POFUT3: variants seen among roughly 807,000 people sequenced by gnomAD.
POFUT3 encodes protein O-fucosyltransferase 3.
the POFUT3 span, among the ~76,000 whole-genome samples, chr8:33,363,447 C>A: frequency 6.6e-6 from 1 of 151,926 alleles, no homozygotes; most frequent in Admixed American, 6.6e-5. Context: ...GATAGAGACA[C>A]AAAAAACCCT....
chr8:33,317,409 A>T, the POFUT3 span, among the ~76,000 whole-genome samples: 1 of 152,068 alleles, frequency 6.6e-6, no homozygotes, highest in Non-Finnish European at 1.5e-5. Context: ...CTTTCTGCTG[A>T]CCCCAAGTTT....
the POFUT3 span, among the ~76,000 whole-genome samples, chr8:33,392,224 G>A: frequency 2.6e-5 from 4 of 152,130 alleles, no homozygotes; most frequent in African/African-American, 9.7e-5. Flanking sequence ...CGCTAATATA[G>A]GTTTTCTGTA....
At chr8:33,417,062 G>A in the POFUT3 span, among the ~76,000 whole-genome samples, 1 of 152,116 alleles carries the variant, frequency 6.6e-6, no homozygotes, top group African/African-American at 2.4e-5. Flanking sequence ...TGTATTTACA[G>A]CCACTCCCCA....
the POFUT3 span, among the ~76,000 whole-genome samples, chr8:33,438,434 C>T: frequency 2.0e-5 from 3 of 152,260 alleles, no homozygotes; most frequent in African/African-American, 4.8e-5. Flanking sequence ...TAAAAATTAG[C>T]CAGGTGCGGT....
the POFUT3 span, chr8:33,389,257 G>A: frequency 1.4e-5 from 23 of 1,613,962 alleles, no homozygotes; most frequent in Admixed American, 1.2e-4. Context: ...TGGGGGATCC[G>A]TAATATACAG....
the POFUT3 span, among the ~76,000 whole-genome samples, chr8:33,313,203 A>T: frequency 6.6e-6 from 1 of 152,186 alleles, no homozygotes; most frequent in Non-Finnish European, 1.5e-5. Flanking sequence ...GAAAGGGGTT[A>T]GTGGGAGTAC....
At chr8:33,379,342 T>G in the POFUT3 span, among the ~76,000 whole-genome samples, 1 of 149,828 alleles carries the variant, frequency 6.7e-6, no homozygotes, top group Non-Finnish European at 1.5e-5. Context: ...TTGCCATACA[T>G]AAACATTGAT....
the POFUT3 span, among the ~76,000 whole-genome samples, chr8:33,319,486 A>G: frequency 2.4e-5 from 1 of 41,246 alleles, no homozygotes; most frequent in African/African-American, 1.4e-4. Flanking sequence ...TATTTATATA[A>G]TATATAAATA....
At chr8:33,439,781 T>A in the POFUT3 span, among the ~76,000 whole-genome samples, 2 of 149,870 alleles carry the variant, frequency 1.3e-5, no homozygotes, top group African/African-American at 4.9e-5. Context: ...GCAGGAGAAC[T>A]GCTTGAACTC....
chr8:33,374,915 C>G, the POFUT3 span, among the ~76,000 whole-genome samples: 1 of 149,910 alleles, frequency 6.7e-6, no homozygotes, highest in Non-Finnish European at 1.5e-5. Flanking sequence ...GCTTTGTCTC[C>G]CAGGCTGGAG....
chr8:33,402,133 A>G, the POFUT3 span, among the ~76,000 whole-genome samples: 3 of 152,258 alleles, frequency 2.0e-5, no homozygotes, highest in African/African-American at 7.2e-5. Context: ...AAAAGCAACT[A>G]GAATTTCAGA....
the POFUT3 span, among the ~76,000 whole-genome samples, chr8:33,433,721 T>C: frequency 0.011 from 1,705 of 151,340 alleles, 14 homozygotes; most frequent in Non-Finnish European, 0.018. Flanking sequence ...GAGGCAAAGA[T>C]TGCAGTGAGC....
chr8:33,429,601 G>A, the POFUT3 span, among the ~76,000 whole-genome samples: 28 of 152,028 alleles, frequency 1.8e-4, no homozygotes, highest in African/African-American at 6.0e-4. Context: ...TGGAGGAAGG[G>A]GAGGAAGAGA....
At chr8:33,323,407 T>C in the POFUT3 span, among the ~76,000 whole-genome samples, 7 of 152,186 alleles carry the variant, frequency 4.6e-5, no homozygotes, top group East Asian at 1.9e-4. Context: ...TTCTGAGTCC[T>C]CAGTCAATAT....
At chr8:33,380,065 C>CTA in the POFUT3 span, among the ~76,000 whole-genome samples, 175 of 53,610 alleles carry the variant, frequency 3.3e-3, 8 homozygotes, top group Non-Finnish European at 4.3e-3. Flanking sequence ...TATATATACA[C>CTA]TATATATATA....
At chr8:33,344,005 G>T in the POFUT3 span, among the ~76,000 whole-genome samples, 1 of 152,118 alleles carries the variant, frequency 6.6e-6, no homozygotes, top group Non-Finnish European at 1.5e-5. Flanking sequence ...TTACCCCATT[G>T]TGTTAGGAAT....
chr8:33,362,516 G>A, the POFUT3 span, among the ~76,000 whole-genome samples: 124 of 152,136 alleles, frequency 8.2e-4, no homozygotes, highest in African/African-American at 2.8e-3. Flanking sequence ...CTGTATTCAG[G>A]AGACCCGTCT....
At chr8:33,360,086 C>T in the POFUT3 span, among the ~76,000 whole-genome samples, 3 of 151,786 alleles carry the variant, frequency 2.0e-5, no homozygotes, top group Non-Finnish European at 2.9e-5. Flanking sequence ...TAATTGTGTC[C>T]GATAAGTGCC....
chr8:33,354,176 AC>A, the POFUT3 span, among the ~76,000 whole-genome samples: 1 of 152,184 alleles, frequency 6.6e-6, no homozygotes, highest in Non-Finnish European at 1.5e-5. Context: ...ATTTTGGAGA[AC>A]CACATCATAT....
Sources: gnomAD v4.1 joint callset for allele counts (sites outside exome capture counted in the v4.1 genomes callset) on GRCh38, gnomAD v4.1.1 for gene constraint, MANE v1.5 for transcripts, NCBI Gene and HGNC (gene_info 2026-07-23, HGNC 2026-07-21) for gene names.